RIMS1: variants seen among roughly 807,000 people sequenced by gnomAD.
RIMS1 encodes the protein regulating synaptic membrane exocytosis protein 1.
In RIMS1, 83 loss-of-function variants were observed where a neutral mutation model predicts 214.1. The ratio of observed to expected loss-of-function variants is 0.39; its 90% CI spans 0.32 to 0.47. The LOEUF (loss-of-function observed/expected upper bound fraction) is 0.47. RIMS1 is among the 20% of genes least tolerant of loss of function. The pLI, the probability that RIMS1 is intolerant of heterozygous loss-of-function variation, is 0.99. For synonymous variants in RIMS1, 793 were observed against 786.8 expected, an observed-to-expected ratio of 1.01 and a Z score of -0.13; for missense variants, 2,050 against 2,161.8, an observed-to-expected ratio of 0.95 and a Z score of 1.03.
chr6:72,261,729 T>G (rs978827600), intron 19 of RIMS1: 12 of 985,168 alleles, frequency 1.2e-5, no homozygotes, highest in Middle Eastern at 5.2e-4. Context: ...TAATATGTAG[T>G]TCTGCCCAAT....
At chr6:72,236,917 G>C (rs537537870) in intron 8 of RIMS1, among the ~76,000 whole-genome samples, 1 of 152,228 alleles carries the variant, frequency 6.6e-6, no homozygotes, top group South Asian at 2.1e-4. Flanking sequence ...AATCACTACA[G>C]CCTGGGTGCA....
chr6:72,054,112 G>T lies in RIMS1; in HGVS notation c.246-42837G>T, dbSNP rs534516296. Among the ~76,000 whole-genome samples the T allele has an allele frequency of 1.0e-3, 154 of 150,390 alleles. 1 individual carries two copies. Among genetic ancestry groups the T allele is most frequent in the African/African-American group, 3.3e-3 (134 of 40,822 alleles). On this transcript the variant is annotated intron_variant, in intron 2 of 33. Coordinates refer to ENST00000521978, the MANE Select transcript of RIMS1 (RefSeq NM_014989.7). ...CCCCAAACTGGCCCTGGTATGTGTT[G>T]TTCCCCTCCCTTTGTCCATTCGTTC...
intron 19 of RIMS1, 111 bp from the exon 20 acceptor site, chr6:72,264,864 C>A (rs2154172544): frequency 1.7e-6 from 1 of 601,260 alleles, no homozygotes; most frequent in South Asian, 2.3e-5. Context: ...AAAAAATGAC[C>A]AAAGATTTAT....
chr6:71,963,877 A>T (rs1230299297), intron 1 of RIMS1, among the ~76,000 whole-genome samples: 1 of 152,142 alleles, frequency 6.6e-6, no homozygotes, highest in East Asian at 1.9e-4. Context: ...ATAGATTTTC[A>T]TTCTTTTTAT....
intron 19 of RIMS1, chr6:72,262,695 ATAAC>A (rs1458344379): frequency 1.2e-6 from 1 of 814,820 alleles, no homozygotes; most frequent in Non-Finnish European, 1.5e-6. Flanking sequence ...GTACATATAA[ATAAC>A]CACAACTTTA....
intron 26 of RIMS1, 62 bp downstream of exon 26, chr6:72,292,108 A>T: frequency 2.0e-6 from 2 of 985,840 alleles, no homozygotes; most frequent in African/African-American, 3.3e-5. Context: ...CTCTATTTAT[A>T]CCCCTTTTAT....
intron 4 of RIMS1, among the ~76,000 whole-genome samples, chr6:72,103,281 T>C (rs2034025653): frequency 6.6e-6 from 1 of 152,094 alleles, no homozygotes; most frequent in Non-Finnish European, 1.5e-5. Context: ...TAATGACAAA[T>C]CTATTTTTGA....
At chr6:72,207,088 T>TG in intron 6 of RIMS1, among the ~76,000 whole-genome samples, 2 of 152,348 alleles carry the variant, frequency 1.3e-5, no homozygotes, top group South Asian at 4.1e-4. Context: ...AGAAGTAGTC[T>TG]GGTCCTATAG....
intron 2 of RIMS1, among the ~76,000 whole-genome samples, chr6:72,072,739 A>T (rs1830859915): frequency 6.6e-6 from 1 of 152,324 alleles, no homozygotes; most frequent in Middle Eastern, 3.4e-3. Flanking sequence ...AACTAGTGTC[A>T]ACACCACCCT....
At chr6:72,080,697 A>G (rs1833153858) in intron 2 of RIMS1, among the ~76,000 whole-genome samples, 1 of 152,156 alleles carries the variant, frequency 6.6e-6, no homozygotes, top group Admixed American at 6.5e-5. Context: ...ACTTTGCCTC[A>G]GCCTCACCAG....
At chr6:72,262,450 A>G in intron 19 of RIMS1, 4 of 985,280 alleles carry the variant, frequency 4.1e-6, no homozygotes, top group Non-Finnish European at 4.8e-6. Flanking sequence ...ACAATAAGAT[A>G]GGGAGTGGAA....
intron 1 of RIMS1, among the ~76,000 whole-genome samples, chr6:71,890,069 C>T (rs1769152470): frequency 6.6e-6 from 1 of 152,010 alleles, no homozygotes; most frequent in South Asian, 2.1e-4. Context: ...ATATGTGAAA[C>T]CAACATTATA....
intron 4 of RIMS1, among the ~76,000 whole-genome samples, chr6:72,173,453 T>A (rs2047300886): frequency 6.6e-6 from 1 of 152,098 alleles, no homozygotes; most frequent in African/African-American, 2.4e-5. Context: ...GTTTTTTATT[T>A]CATGTGTTTT....
chr6:72,107,936 G>A (rs1258035192), intron 4 of RIMS1, among the ~76,000 whole-genome samples: 3 of 152,224 alleles, frequency 2.0e-5, no homozygotes, highest in African/African-American at 7.2e-5. Flanking sequence ...TTATATCAGA[G>A]ATTACACAAC....
chr6:71,941,736 A>G (rs746233449), intron 1 of RIMS1, among the ~76,000 whole-genome samples: 18 of 152,120 alleles, frequency 1.2e-4, no homozygotes, highest in Non-Finnish European at 1.8e-4. Flanking sequence ...TTCTGAGTAA[A>G]ACTTGGCTTG....
At chr6:72,343,492 C>CTTTTTTTTTTTT (rs764125827) in intron 29 of RIMS1, among the ~76,000 whole-genome samples, 100 of 57,300 alleles carry the variant, frequency 1.7e-3, no homozygotes, top group East Asian at 3.6e-3. Flanking sequence ...TCTTCTTCTT[C>CTTTTTTTTTTTT]TTTTTTTTTT....
At chr6:71,925,506 A>G (rs1283668551) in intron 1 of RIMS1, among the ~76,000 whole-genome samples, 4 of 152,252 alleles carry the variant, frequency 2.6e-5, no homozygotes, top group Non-Finnish European at 5.9e-5. Context: ...GTAATTAGGT[A>G]TAAATGCAAT....
chr6:72,177,724 AAACC>A (rs2047904745), intron 4 of RIMS1, among the ~76,000 whole-genome samples: 1 of 152,172 alleles, frequency 6.6e-6, no homozygotes, highest in African/African-American at 2.4e-5. Flanking sequence ...GACAAAAAAC[AAACC>A]AACCAACCAA....
intron 2 of RIMS1, among the ~76,000 whole-genome samples, chr6:72,003,625 T>C (rs1452311620): frequency 6.6e-6 from 1 of 152,006 alleles, no homozygotes; most frequent in African/African-American, 2.4e-5. Context: ...TGTGTGTGTG[T>C]GTGTCTGTGT....
Sources: allele counts gnomAD v4.1 joint callset (sites outside exome capture counted in the v4.1 genomes callset), GRCh38; gene constraint gnomAD v4.1.1; transcripts MANE v1.5; gene names NCBI Gene and HGNC (gene_info 2026-07-23, HGNC 2026-07-21).